The following NRP2 variants were observed in gnomAD, a reference collection of about 807,000 sequenced individuals.
NRP2 encodes neuropilin 2.
NRP2 carries 52 observed loss-of-function variants against 110.4 expected under a neutral mutation model. That is an observed-to-expected ratio of 0.47 (90% CI 0.38 to 0.59). The LOEUF (loss-of-function observed/expected upper bound fraction) is 0.59. Ranked by LOEUF, NRP2 falls within the 20% of genes least tolerant of loss-of-function variation. The pLI is 0.00. For synonymous variants in NRP2, 508 were observed against 468.9 expected (o/e 1.08, Z -1.08); for missense variants, 1,049 against 1,203.0 (o/e 0.87, Z 1.89).
At chr2:205,692,519 T>G (rs771950890) in intron 1 of NRP2, among the ~76,000 whole-genome samples, 5 of 152,218 alleles carry the variant, frequency 3.3e-5, no homozygotes, top group Admixed American at 6.5e-5. Context: ...GAAACTCCTT[T>G]TGGTTTTTCT....
intron 10 of NRP2, among the ~76,000 whole-genome samples, chr2:205,747,742 T>C (rs937825893): frequency 6.6e-6 from 1 of 152,048 alleles, no homozygotes; most frequent in African/African-American, 2.4e-5. Context: ...ACCTCATTCT[T>C]CCCCCCATCC....
chr2:205,733,033 C>G (rs1365748816), intron 7 of NRP2, among the ~76,000 whole-genome samples: 1 of 152,116 alleles, frequency 6.6e-6, no homozygotes, highest in Non-Finnish European at 1.5e-5. Context: ...GGGGCTGATA[C>G]CCCTTCCAAG....
At chr2:205,735,930 T>C (rs565717794) in intron 7 of NRP2, among the ~76,000 whole-genome samples, 1 of 152,330 alleles carries the variant, frequency 6.6e-6, no homozygotes, top group South Asian at 2.1e-4. Flanking sequence ...CACACACATA[T>C]ATTTTTAATA....
rs547596329 is a variant in NRP2 at position 205,736,187 on chromosome 2, T to C, written c.1147-4332T>C. Among the ~76,000 whole-genome samples the C allele has an allele frequency of 2.6e-5, 4 of 151,816 alleles. No individual in the cohort carries two copies. The East Asian group carries it at 7.8e-4, about 30-fold the overall frequency. On this transcript the variant is annotated intron_variant, in intron 7 of 16. Transcript: ENST00000357785. ...TGAAACCCTGTCTCTACTAAAAATA[T>C]AAAAATTAGCCAGGCTTGGTGGCGC...
At chr2:205,754,369 A>G (rs2057699853) in intron 12 of NRP2, among the ~76,000 whole-genome samples, 1 of 152,200 alleles carries the variant, frequency 6.6e-6, no homozygotes, top group Admixed American at 6.5e-5. Context: ...GCCTCCTGAC[A>G]CAGTCCACAC....
intron 1 of NRP2, among the ~76,000 whole-genome samples, chr2:205,696,561 C>G (rs1385648484): frequency 6.6e-6 from 1 of 152,210 alleles, no homozygotes; most frequent in Admixed American, 6.5e-5. Context: ...AACTTTACTC[C>G]CGAATAGATG....
At chr2:205,697,248 TG>T (rs1455931671) in intron 1 of NRP2, among the ~76,000 whole-genome samples, 1 of 151,756 alleles carries the variant, frequency 6.6e-6, no homozygotes, top group Non-Finnish European at 1.5e-5. Flanking sequence ...GCAGTCCTCT[TG>T]TTTTTTTAAT....
Position 205,795,050 on chromosome 2 carries a change from G to C in NRP2, c.2773G>C (p.Glu925Gln), listed in dbSNP as rs772057016. 6.2e-6 allele frequency: 10 copies of C among 1,613,938 alleles called. No individual in the cohort carries two copies. In the South Asian group the frequency reaches 1.1e-4, roughly 18 times the overall value. Residue 925 changes from glutamate to glutamine, a missense_variant, in exon 17 of 17, where the codon GAG (glutamate) becomes CAG (glutamine). Glu to Gln is a conservative substitution (Grantham distance 29). Transcript: ENST00000357785. ...VKMNHQKCCSEA is the reference protein window; with the variant it reads ...VKMNHQKCCSQA ...GATGAACCACCAAAAGTGCTGCTCC[G>C]AGGCATGACGGATTGCACCTGAATC...
intron 15 of NRP2, chr2:205,776,033 T>A: frequency 1.4e-6 from 1 of 710,518 alleles, no homozygotes; most frequent in Non-Finnish European, 2.6e-6. Context: ...AAAATGGGTC[T>A]GACAATAGCT....
intron 6 of NRP2, among the ~76,000 whole-genome samples, chr2:205,726,296 G>A (rs1012324576): frequency 6.6e-6 from 1 of 152,204 alleles, no homozygotes; most frequent in Non-Finnish European, 1.5e-5. Flanking sequence ...CTGCCCTTGT[G>A]GGGATTACTG....
At chr2:205,690,388 G>A (rs1472182733) in intron 1 of NRP2, among the ~76,000 whole-genome samples, 2 of 152,094 alleles carry the variant, frequency 1.3e-5, no homozygotes, top group East Asian at 1.9e-4. Flanking sequence ...TTGGAAGTGT[G>A]GGGGTTGGAG....
intron 15 of NRP2, chr2:205,776,001 C>A: frequency 2.9e-6 from 2 of 685,048 alleles, no homozygotes; most frequent in Non-Finnish European, 5.4e-6. Flanking sequence ...TAACCTCTCT[C>A]CACCTCTGTT....
At chr2:205,782,690 A>G (rs1383534363) in intron 15 of NRP2, among the ~76,000 whole-genome samples, 2 of 152,172 alleles carry the variant, frequency 1.3e-5, no homozygotes, top group South Asian at 2.1e-4. Context: ...TTTGCTTACT[A>G]TATTGGATGA....
chr2:205,781,566 C>T (rs2058174436), intron 15 of NRP2, among the ~76,000 whole-genome samples: 1 of 152,242 alleles, frequency 6.6e-6, no homozygotes, highest in Non-Finnish European at 1.5e-5. Context: ...TTTCTGTAAT[C>T]TCTGATGAAA....
chr2:205,721,022 A>T (rs1057282378), intron 3 of NRP2, among the ~76,000 whole-genome samples: 4 of 152,188 alleles, frequency 2.6e-5, no homozygotes, highest in Non-Finnish European at 2.9e-5. Flanking sequence ...TAGGTAGGAG[A>T]TACTGGAATT....
At chr2:205,729,553 G>A (rs950118311) in intron 7 of NRP2, among the ~76,000 whole-genome samples, 1 of 152,224 alleles carries the variant, frequency 6.6e-6, no homozygotes, top group Non-Finnish European at 1.5e-5. Context: ...CCAGGCAGGG[G>A]TGGTCCCCGG....
chr2:205,713,889 A>G (rs2056845301), intron 2 of NRP2, among the ~76,000 whole-genome samples: 1 of 152,218 alleles, frequency 6.6e-6, no homozygotes, highest in South Asian at 2.1e-4. Context: ...TCCTAGCAGT[A>G]GGATTGCTGG....
chr2:205,734,408 C>CA (rs1553585254), intron 7 of NRP2, among the ~76,000 whole-genome samples: 9 of 149,678 alleles, frequency 6.0e-5, no homozygotes, highest in South Asian at 2.1e-4. Flanking sequence ...CGCCCCCCCC[C>CA]ACCCCGCATC....
In NRP2 at chr2:205,683,112, G is replaced by A; in HGVS notation, c.-179G>A. On this transcript the variant is annotated 5_prime_UTR_variant, in exon 1 of 17. Transcript: ENST00000357785. ...TCAGGAGCTACTCTCCTCCTGGTGAGGTGGAAATTCCAGCAAGAATAGAGG... is the reference window on the plus strand; with the variant it reads ...TCAGGAGCTACTCTCCTCCTGGTGAAGTGGAAATTCCAGCAAGAATAGAGG... 2 of 601,594 alleles carry A rather than the reference G, an allele frequency of 3.3e-6. No homozygotes were observed. The highest frequency in any genetic ancestry group is 2.8e-5 in the East Asian group (1 of 35,432). The allele number at this position is 601,594 out of a possible 1,614,324, so 37.3% of individuals were successfully genotyped here.
Sources: gnomAD v4.1 joint callset for allele counts (sites outside exome capture counted in the v4.1 genomes callset) on GRCh38, gnomAD v4.1.1 for gene constraint, MANE v1.5 for transcripts, NCBI Gene and HGNC (gene_info 2026-07-23, HGNC 2026-07-21) for gene names.